SYNPR: variants seen among roughly 807,000 people sequenced by gnomAD.
SYNPR encodes the protein synaptoporin.
A neutral mutation model predicts 32.9 loss-of-function variants in SYNPR; 23 were observed. The observed-to-expected ratio is 0.70, with a 90% CI of 0.50 to 0.99. The LOEUF is 0.99. SYNPR is among the 50% of genes least tolerant of loss of function. The pLI, the probability that SYNPR is intolerant of heterozygous loss-of-function variation, is 0.00. For synonymous variants in SYNPR, 146 were observed against 135.9 expected (o/e 1.07, Z -0.52); for missense variants, 318 against 349.3 (o/e 0.91, Z 0.71).
chr3:63,364,714 A>G (rs2087709382), intron 2 of SYNPR, among the ~76,000 whole-genome samples: 1 of 152,192 alleles, frequency 6.6e-6, no homozygotes, highest in Non-Finnish European at 1.5e-5. Context: ...TAAGACTTCT[A>G]GAAGTGGTTT....
chr3:63,336,188 G>A (rs1330928435), intron 2 of SYNPR, among the ~76,000 whole-genome samples: 3 of 151,834 alleles, frequency 2.0e-5, no homozygotes, highest in African/African-American at 7.3e-5. Context: ...ATTTAATTAG[G>A]TAAAATAATT....
intron 2 of SYNPR, among the ~76,000 whole-genome samples, chr3:63,287,030 C>T (rs1422820206): frequency 6.6e-6 from 1 of 152,148 alleles, no homozygotes; most frequent in Admixed American, 6.5e-5. Flanking sequence ...GGAACTAAGT[C>T]CTTCCAACCA....
At chr3:63,469,942 T>A (rs906220388) in intron 2 of SYNPR, among the ~76,000 whole-genome samples, 2 of 152,182 alleles carry the variant, frequency 1.3e-5, no homozygotes, top group African/African-American at 2.4e-5. Flanking sequence ...AAACAGCACA[T>A]CCATCTAATG....
At chr3:63,442,190 C>T (rs1236642329) in intron 2 of SYNPR, among the ~76,000 whole-genome samples, 3 of 112,428 alleles carry the variant, frequency 2.7e-5, no homozygotes, top group Admixed American at 1.7e-4. Flanking sequence ...TGTGTGTGCA[C>T]GCATGAAAGA....
At chr3:63,208,747 G>A in the SYNPR span, among the ~76,000 whole-genome samples, 1 of 152,156 alleles carries the variant, frequency 6.6e-6, no homozygotes, top group Non-Finnish European at 1.5e-5. Context: ...TGTAAGCTCC[G>A]TGAAGTCAGA....
At chr3:63,531,664 C>T (rs1273510309) in intron 3 of SYNPR, among the ~76,000 whole-genome samples, 2 of 152,148 alleles carry the variant, frequency 1.3e-5, no homozygotes, top group African/African-American at 4.8e-5. Context: ...AATATGTTTG[C>T]ACTCATTGGG....
intron 3 of SYNPR, among the ~76,000 whole-genome samples, chr3:63,490,366 G>C (rs1701236447): frequency 6.6e-6 from 1 of 152,080 alleles, no homozygotes; most frequent in Non-Finnish European, 1.5e-5. Flanking sequence ...ATTTGATGTT[G>C]AGTGAAATGG....
rs145034607 is a variant in SYNPR, at chr3:63,602,154, C to T, written c.409-6971C>T. Among the ~76,000 whole-genome samples, 385 of 152,134 alleles carry T rather than the reference C, an allele frequency of 2.5e-3. 1 individual carries two copies. The highest frequency in any genetic ancestry group is 3.8e-3 in the Non-Finnish European group (259 of 67,962). ...CCATATGTATGTCTTCTTTTGAAAGCGTCTGTTCATGTCCTTTGCCCACTT... is the reference window on the plus strand; with the variant it reads ...CCATATGTATGTCTTCTTTTGAAAGTGTCTGTTCATGTCCTTTGCCCACTT... On this transcript the variant is annotated intron_variant, in intron 4 of 5. Transcript: ENST00000478300.
chr3:63,409,606 C>T (rs2088435148), intron 2 of SYNPR, among the ~76,000 whole-genome samples: 1 of 152,110 alleles, frequency 6.6e-6, no homozygotes, highest in Admixed American at 6.6e-5. Flanking sequence ...TCATAATGCT[C>T]CTTATAAATT....
chr3:63,614,480 G>C (rs1206017878), intron 5 of SYNPR, among the ~76,000 whole-genome samples: 3 of 152,180 alleles, frequency 2.0e-5, no homozygotes, highest in Non-Finnish European at 4.4e-5. Context: ...TTCACATCCA[G>C]TTCTTAAGAA....
At chr3:63,552,501 G>A (rs1702520182) in intron 3 of SYNPR, among the ~76,000 whole-genome samples, 3 of 152,126 alleles carry the variant, frequency 2.0e-5, no homozygotes, top group Admixed American at 2.0e-4. Flanking sequence ...AAGGATTTTT[G>A]TGGGAAAGTG....
At chr3:63,421,024 G>A (rs1699788851) in intron 2 of SYNPR, among the ~76,000 whole-genome samples, 1 of 152,182 alleles carries the variant, frequency 6.6e-6, no homozygotes, top group East Asian at 1.9e-4. Context: ...GTAACTACAG[G>A]CACATACCAC....
At chr3:63,286,516 C>T (rs2086684241) in intron 2 of SYNPR, among the ~76,000 whole-genome samples, 1 of 151,076 alleles carries the variant, frequency 6.6e-6, no homozygotes, top group African/African-American at 2.4e-5. Flanking sequence ...TGGAGTTATG[C>T]TGAAGTAGAA....
At chr3:63,463,067 C>A (rs1436246978) in intron 2 of SYNPR, among the ~76,000 whole-genome samples, 1 of 152,160 alleles carries the variant, frequency 6.6e-6, no homozygotes. Flanking sequence ...TAGGCTATTC[C>A]ATTAGAAATA....
Position 63,509,121 on chromosome 3 carries a change from C to T in SYNPR, c.209+28165C>T, listed in dbSNP as rs552251345. Among the ~76,000 whole-genome samples, 179 of 146,002 alleles carry T rather than the reference C, an allele frequency of 1.2e-3. 1 individual carries two copies. Among genetic ancestry groups the T allele is most frequent in the East Asian group, 4.5e-3 (23 of 5,090 alleles). On this transcript the variant is annotated intron_variant, in intron 3 of 5. Transcript: ENST00000478300. ...CTTTCAGCATATATATATATATATA[C>T]ACACACACACACATATATGTATGGG...
At chr3:63,387,964 G>A (rs1406699201) in intron 2 of SYNPR, among the ~76,000 whole-genome samples, 1 of 152,196 alleles carries the variant, frequency 6.6e-6, no homozygotes, top group African/African-American at 2.4e-5. Context: ...GGAGGGCAAA[G>A]GGATGGGAGC....
At chr3:63,310,676 A>T (rs1202018768) in intron 2 of SYNPR, among the ~76,000 whole-genome samples, 1 of 151,918 alleles carries the variant, frequency 6.6e-6, no homozygotes, top group Admixed American at 6.6e-5. Flanking sequence ...AGTGGCTCTG[A>T]TGGCCTCTCA....
chr3:63,579,644 A>C (rs1290286690), intron 4 of SYNPR, among the ~76,000 whole-genome samples: 1 of 152,136 alleles, frequency 6.6e-6, no homozygotes, highest in East Asian at 1.9e-4. Context: ...AAAGTGAATG[A>C]TCAATGATGT....
upstream of SYNPR, among the ~76,000 whole-genome samples, chr3:63,224,411 C>T (rs2086114059): frequency 6.6e-6 from 1 of 152,168 alleles, no homozygotes; most frequent in Admixed American, 6.5e-5. Context: ...TCCCTGATGC[C>T]AAATTATTGG....
Sources: allele counts gnomAD v4.1 joint callset (sites outside exome capture counted in the v4.1 genomes callset), GRCh38; gene constraint gnomAD v4.1.1; transcripts MANE v1.5; gene names NCBI Gene and HGNC (gene_info 2026-07-23, HGNC 2026-07-21).